CCDC144A: variants seen among roughly 807,000 people sequenced by gnomAD.
CCDC144A encodes coiled-coil domain containing 144A.
In CCDC144A, 41 loss-of-function variants were observed where a neutral mutation model predicts 143.8. The ratio of observed to expected loss-of-function variants is 0.29; its 90% CI spans 0.22 to 0.37. CCDC144A has a LOEUF of 0.37. CCDC144A is among the 10% of genes least tolerant of loss of function. The pLI is 1.00. For missense variants in CCDC144A, 637 were observed against 1,488.8 expected, an observed-to-expected ratio of 0.43 and a Z score of 9.41; for synonymous variants, 242 against 517.9, an observed-to-expected ratio of 0.47 and a Z score of 7.23.
At chr17:16,689,813 C>T (rs1455396750), upstream of CCDC144A, 4 of 152,320 alleles carry the variant, frequency 2.6e-5, no homozygotes, top group Admixed American at 2.6e-4. Context: ...CCGCTTGCGT[C>T]CTGGCAGCGC....
At chr17:16,686,743 C>CAA (rs1356362816), upstream of CCDC144A, among the ~76,000 whole-genome samples, 1 of 122,842 alleles carries the variant, frequency 8.1e-6, no homozygotes, top group Non-Finnish European at 1.6e-5. Flanking sequence ...CTGTCACACA[C>CAA]ACAAACACAC....
the CCDC144A span, among the ~76,000 whole-genome samples, chr17:16,682,684 T>G: frequency 2.0e-5 from 3 of 151,858 alleles, no homozygotes; most frequent in Admixed American, 2.0e-4. Flanking sequence ...AAAGAAAGTT[T>G]TGCAAAAAGG....
chr17:16,724,696 G>T (rs1395085956), intron 8 of CCDC144A, among the ~76,000 whole-genome samples: 2 of 140,276 alleles, frequency 1.4e-5, no homozygotes, highest in Admixed American at 7.3e-5. Flanking sequence ...TTGTGAATTT[G>T]TCTATTTCGT....
chr17:16,761,387 C>T, intron 12 of CCDC144A, 38 bp from the exon 13 acceptor site: 2 of 1,576,306 alleles, frequency 1.3e-6, no homozygotes, highest in East Asian at 2.4e-5. Flanking sequence ...CTCAGTCTAC[C>T]TTCTTCATTA....
At position 16,764,033 on chromosome 17, in the gene CCDC144A, C is replaced by T. The variant is rs1469948161; in HGVS notation, c.3956C>T (p.Ser1319Phe). ...GAGAAAGAGCAGACCAGATCCAGATCTCTATTCACTGCTTATGCTACAAGG... is the reference window on the plus strand; with the variant it reads ...GAGAAAGAGCAGACCAGATCCAGATTTCTATTCACTGCTTATGCTACAAGG... The part of the protein sequence containing the change: ...TVEKEQTRSR[S>F]LFTAYATRPV... Residue 1319 changes from serine (S) to phenylalanine (F), a missense_variant, in exon 15 of 17, where the codon TCT (serine) becomes TTT (phenylalanine). Ser to Phe is a radical substitution (Grantham distance 155). Transcript: ENST00000399273. 1 of 1,613,734 alleles carries T rather than the reference C, an allele frequency of 6.2e-7. No homozygotes were observed. The highest frequency in any genetic ancestry group is 8.5e-7 in the Non-Finnish European group (1 of 1,179,696).
intron 12 of CCDC144A, among the ~76,000 whole-genome samples, chr17:16,755,820 C>T (rs1915056303): frequency 1.3e-5 from 2 of 152,230 alleles, no homozygotes; most frequent in Admixed American, 6.5e-5. Flanking sequence ...CTTGGCCTCT[C>T]AAAGTGCTAG....
intron 5 of CCDC144A, among the ~76,000 whole-genome samples, chr17:16,710,582 T>A (rs1420295020): frequency 1.3e-5 from 2 of 152,078 alleles, no homozygotes; most frequent in African/African-American, 2.4e-5. Context: ...TCTCCACTGT[T>A]TCTGTTGAAT....
At chr17:16,745,530 C>T (rs1239520820) in intron 12 of CCDC144A, 6 of 1,252,350 alleles carry the variant, frequency 4.8e-6, no homozygotes, top group South Asian at 1.3e-5. Flanking sequence ...CTTCCAGTTT[C>T]CTGGTAAGGA....
intron 6 of CCDC144A, among the ~76,000 whole-genome samples, chr17:16,716,752 C>G (rs1567591932): frequency 6.6e-6 from 1 of 150,850 alleles, no homozygotes; most frequent in African/African-American, 2.4e-5. Context: ...AAACATAGCA[C>G]AGATCTAAAT....
upstream of CCDC144A, among the ~76,000 whole-genome samples, chr17:16,684,571 C>G (rs1910714377): frequency 6.6e-6 from 1 of 151,566 alleles, no homozygotes; most frequent in Admixed American, 6.6e-5. Context: ...AGGAGAATCA[C>G]TTGACCTGGG....
chr17:16,742,461 T>C (rs948307575), intron 12 of CCDC144A, among the ~76,000 whole-genome samples: 1 of 152,212 alleles, frequency 6.6e-6, no homozygotes, highest in African/African-American at 2.4e-5. Flanking sequence ...ACCACATTGA[T>C]CTGTTGATGA....
At chr17:16,717,610 C>G (rs1912851117) in intron 6 of CCDC144A, among the ~76,000 whole-genome samples, 1 of 152,138 alleles carries the variant, frequency 6.6e-6, no homozygotes, top group South Asian at 2.1e-4. Flanking sequence ...GTAATGCCTT[C>G]CTTGTGCTAA....
chr17:16,777,581 A>G lies in CCDC144A; in HGVS notation c.*3948A>G, dbSNP rs1916043555. 7.3e-6 allele frequency: 1 copy of G among 136,994 alleles called. No individual in the cohort carries two copies. Among genetic ancestry groups the G allele is most frequent in the Admixed American group, 7.4e-5 (1 of 13,542 alleles). The allele number at this position is 136,994 out of a possible 1,614,324, so 8.5% of individuals were successfully genotyped here. A position where few individuals can be genotyped will look rare whatever the true frequency, so the allele number is the denominator to read the frequency against. On this transcript the variant is annotated 3_prime_UTR_variant, in exon 17 of 17. Coordinates refer to ENST00000399273, the MANE Select transcript of CCDC144A (RefSeq NM_001382000.1). ...GGAACACTCAAAAGCATGCAAATAC[A>G]TGGTAATTAAATAACCTACTCCTGA... is the stretch of plus-strand genomic sequence containing the variant.
At chr17:16,697,627 G>C (rs1322258131) in intron 2 of CCDC144A, among the ~76,000 whole-genome samples, 2 of 152,198 alleles carry the variant, frequency 1.3e-5, no homozygotes, top group African/African-American at 4.8e-5. Context: ...AAAAATGTCG[G>C]TCTTTTTCTT....
At chr17:16,672,993 T>C in the CCDC144A span, among the ~76,000 whole-genome samples, 2 of 152,166 alleles carry the variant, frequency 1.3e-5, no homozygotes, top group Non-Finnish European at 2.9e-5. Context: ...AAGGGACTTA[T>C]TTCACTGCAA....
At chr17:16,753,428 G>GT in intron 12 of CCDC144A, among the ~76,000 whole-genome samples, 1,429 of 57,392 alleles carry the variant, frequency 0.025, 30 homozygotes, top group Non-Finnish European at 0.031. Flanking sequence ...GTGTTTTGTA[G>GT]TTTTTTTTTT....
chr17:16,695,449 C>A (rs1428925016), intron 2 of CCDC144A: 1 of 151,372 alleles, frequency 6.6e-6, no homozygotes, highest in African/African-American at 2.4e-5. Context: ...AACAATAAAA[C>A]ATTAGCTGGG....
chr17:16,724,314 G>C lies in CCDC144A; in HGVS notation c.1892-3213G>C, dbSNP rs539986787. On this transcript the variant is annotated intron_variant, in intron 8 of 16. Transcript: ENST00000399273. ...GCACTTTGGGAGGCTGAGGCGGATG[G>C]ATCACGAGGTCAGGAGATCGAGACC... Among the ~76,000 whole-genome samples, 16 of 152,134 alleles carry C rather than the reference G, an allele frequency of 1.1e-4. No individual in the cohort carries two copies. In the South Asian group the frequency reaches 3.3e-3, roughly 32 times the overall value.
the CCDC144A span, chr17:16,683,928 C>G: frequency 7.8e-7 from 1 of 1,279,440 alleles, no homozygotes; most frequent in African/African-American, 1.5e-5. Context: ...AAGCCACGAG[C>G]AGGAATCCGC....
Sources: gnomAD v4.1 joint callset for allele counts (sites outside exome capture counted in the v4.1 genomes callset) on GRCh38, gnomAD v4.1.1 for gene constraint, MANE v1.5 for transcripts, NCBI Gene and HGNC (gene_info 2026-07-23, HGNC 2026-07-21) for gene names.